The following CELF2 variants were observed in gnomAD, a reference collection of about 807,000 sequenced individuals.
CELF2 encodes CUGBP Elav-like family member 2.
In CELF2, 8 loss-of-function variants were observed where a neutral mutation model predicts 62.6. The ratio of observed to expected loss-of-function variants is 0.13; its 90% confidence interval spans 0.07 to 0.23. CELF2 has a LOEUF of 0.23. Among genes scored for constraint, CELF2 ranks in the 10% least tolerant of loss-of-function variants. The pLI is 1.00. For synonymous variants in CELF2, 258 were observed against 250.0 expected (o/e 1.03, Z -0.30); for missense variants, 333 against 671.0 (o/e 0.50, Z 5.56).
rs945160887 is a variant in CELF2 at position 11,223,541 on chromosome 10, C to G, written c.354+6034C>G. Among the ~76,000 whole-genome samples the G allele has an allele frequency of 1.2e-4, 18 of 152,236 alleles. No homozygotes were observed. The highest frequency in any genetic ancestry group is 4.1e-4 in the African/African-American group (17 of 41,452). ...CTGTGTTTTCAGATAATACTCAAAT[C>G]TCATACAAATAAAAGCCAAACAAAC... On this transcript the variant is annotated intron_variant, in intron 3 of 12. Transcript: ENST00000633077. This position sits in a 1 kb window ranked among gnomAD's most constrained non-coding sequence, Gnocchi z 5.1.
chr10:10,579,898 G>A, the CELF2 span, among the ~76,000 whole-genome samples: 1 of 151,872 alleles, frequency 6.6e-6, no homozygotes, highest in South Asian at 2.1e-4. Flanking sequence ...ACACAATGAG[G>A]TATTGATGTA....
the CELF2 span, among the ~76,000 whole-genome samples, chr10:10,479,699 G>A: frequency 2.6e-4 from 39 of 152,250 alleles, 1 homozygote; most frequent in African/African-American, 8.9e-4. Flanking sequence ...TCTACCAGGG[G>A]ACTTTGGACA....
chr10:10,942,656 C>T (rs2047176434), intron 2 of CELF2, among the ~76,000 whole-genome samples: 1 of 152,070 alleles, frequency 6.6e-6, no homozygotes, highest in African/African-American at 2.4e-5. Flanking sequence ...GAGGTTCAGC[C>T]CATATTCAAA....
At chr10:11,051,901 CTTTT>C (rs10711238) in intron 1 of CELF2, among the ~76,000 whole-genome samples, 2 of 122,486 alleles carry the variant, frequency 1.6e-5, no homozygotes, top group Admixed American at 8.4e-5. Context: ...ATTGTTAATA[CTTTT>C]TTTTTTTTTT....
chr10:11,119,773 G>A (rs2057334307), intron 1 of CELF2, among the ~76,000 whole-genome samples: 1 of 151,456 alleles, frequency 6.6e-6, no homozygotes. Flanking sequence ...AATGATCAAG[G>A]GAGTGGAATA....
the CELF2 span, among the ~76,000 whole-genome samples, chr10:10,785,988 T>C: frequency 6.6e-6 from 1 of 152,198 alleles, no homozygotes; most frequent in Non-Finnish European, 1.5e-5. Flanking sequence ...TCAGGTTGTA[T>C]ATCATAAATA....
chr10:11,009,006 G>C lies in CELF2; in HGVS notation c.53+3566G>C, dbSNP rs61674837. Among the ~76,000 whole-genome samples the C allele has an allele frequency of 9.3e-4, 8 of 8,590 alleles. No individual in the cohort carries two copies. In the African/African-American group the frequency reaches 0.015, roughly 16 times the overall value. 5.6% of individuals were successfully genotyped at this position (8,590 alleles called of 152,430 possible). On this transcript the variant is annotated intron_variant, in intron 1 of 12. Transcript: ENST00000416382. ...TTTTGATAATTCCTGGGGAATTTGC[G>C]GGGGGGGGGGGGGAGCATTCCTGAT...
intron 9 of CELF2, among the ~76,000 whole-genome samples, chr10:11,294,297 A>G (rs1341526076): frequency 6.6e-6 from 1 of 152,156 alleles, no homozygotes; most frequent in South Asian, 2.1e-4. Context: ...GTGCACTGCT[A>G]AGTCCACGTA....
At chr10:11,286,644 C>T (rs1456292868) in intron 8 of CELF2, among the ~76,000 whole-genome samples, 3 of 152,210 alleles carry the variant, frequency 2.0e-5, no homozygotes, top group African/African-American at 7.2e-5. Context: ...GAGACCAGGG[C>T]CTCTCAACAC....
the CELF2 span, among the ~76,000 whole-genome samples, chr10:10,761,882 T>G: frequency 6.7e-6 from 1 of 150,038 alleles, no homozygotes; most frequent in Non-Finnish European, 1.5e-5. Flanking sequence ...TCTAATTACA[T>G]GAGACAATTC....
chr10:10,718,825 C>T, the CELF2 span, among the ~76,000 whole-genome samples: 1 of 151,874 alleles, frequency 6.6e-6, no homozygotes, highest in Non-Finnish European at 1.5e-5. Flanking sequence ...TGATAGGAAA[C>T]ATGATTATTC....
At chr10:11,271,831 T>C (rs973251563) in intron 7 of CELF2, among the ~76,000 whole-genome samples, 2 of 152,090 alleles carry the variant, frequency 1.3e-5, no homozygotes, top group Admixed American at 6.5e-5. Context: ...GTAGCAGAAG[T>C]TGTGCTTTTG....
chr10:10,547,064 G>A, the CELF2 span, among the ~76,000 whole-genome samples: 60 of 152,224 alleles, frequency 3.9e-4, no homozygotes, highest in South Asian at 1.0e-3. Context: ...TCGAGATCAC[G>A]CCACTGCACT....
Position 11,177,002 on chromosome 10 carries a change from G to A in CELF2, c.271+11320G>A, listed in dbSNP as rs1371890806. On this transcript the variant is annotated intron_variant, in intron 2 of 12. Coordinates refer to ENST00000633077, the MANE Select transcript of CELF2 (RefSeq NM_001326342.2). This position sits in a 1 kb window ranked among gnomAD's most constrained non-coding sequence, Gnocchi z 4.8. Reference sequence around the variant, plus strand: ...GGCAGGAAGGTTATTTCAGTGAGACGCTGGTTCCTTCTCACCCCTGCACCC... The same window carrying A: ...GGCAGGAAGGTTATTTCAGTGAGACACTGGTTCCTTCTCACCCCTGCACCC... Among the ~76,000 whole-genome samples, 3 of 152,264 alleles carry A rather than the reference G, an allele frequency of 2.0e-5. No individual in the cohort carries two copies. Among genetic ancestry groups the A allele is most frequent in the South Asian group, 2.1e-4 (1 of 4,822 alleles).
At position 11,314,419 on chromosome 10, in the gene CELF2, C is replaced by T; in HGVS notation, c.1096+161C>T. 5 of 899,688 alleles carry T rather than the reference C, an allele frequency of 5.6e-6. No homozygotes were observed. Among genetic ancestry groups the T allele is most frequent in the South Asian group, 1.4e-5 (1 of 71,254 alleles). The allele number at this position is 899,688 out of a possible 1,614,324, so 55.7% of individuals were successfully genotyped here. A position where few individuals can be genotyped will look rare whatever the true frequency, so the allele number is the denominator to read the frequency against. On this transcript the variant is annotated intron_variant, in intron 10 of 12. Transcript: ENST00000633077. The surrounding 1 kb of genome is among the most constrained non-coding windows in gnomAD (Gnocchi z 5.3). ...TGCTTTGATAGGCAAAAGCTGTCTA[C>T]ACTCGTTTTGCCTCAGAAAATCCCC...
intron 1 of CELF2, among the ~76,000 whole-genome samples, chr10:10,915,378 G>A (rs2064235030): frequency 6.6e-6 from 1 of 152,186 alleles, no homozygotes; most frequent in East Asian, 1.9e-4. Context: ...CATCTTATAT[G>A]AGCTGTGATC....
At chr10:10,909,101 T>G (rs2063589446) in intron 1 of CELF2, among the ~76,000 whole-genome samples, 1 of 152,228 alleles carries the variant, frequency 6.6e-6, no homozygotes. Flanking sequence ...CTGGTGCATT[T>G]TTTAAAGAGA....
At chr10:10,994,485 G>C (rs2053747388) in intron 2 of CELF2, among the ~76,000 whole-genome samples, 1 of 152,224 alleles carries the variant, frequency 6.6e-6, no homozygotes, top group Non-Finnish European at 1.5e-5. Context: ...CCACACAGCA[G>C]AAGGTGAGTG....
intron 2 of CELF2, among the ~76,000 whole-genome samples, chr10:10,987,255 C>CTT (rs61536690): frequency 2.7e-5 from 4 of 145,792 alleles, no homozygotes; most frequent in Non-Finnish European, 4.5e-5. Flanking sequence ...CTCTAGAGAT[C>CTT]TTTTTTTTTT....
Sources: gnomAD v4.1 joint callset for allele counts (sites outside exome capture counted in the v4.1 genomes callset) on GRCh38, gnomAD v4.1.1 for gene constraint, Gnocchi (gnomAD v3.1) non-coding constraint, MANE v1.5 for transcripts, NCBI Gene and HGNC (gene_info 2026-07-23, HGNC 2026-07-21) for gene names.